Variants in MAGI2 observed in about 807,000 individuals in gnomAD.
The protein encoded by MAGI2 is membrane associated guanylate kinase, WW and PDZ domain containing 2.
A neutral mutation model predicts 133.3 loss-of-function variants in MAGI2; 35 were observed. The ratio of observed to expected loss-of-function variants is 0.26; its 90% CI spans 0.20 to 0.35. The LOEUF is 0.35. Among genes scored for constraint, MAGI2 ranks in the 10% least tolerant of loss-of-function variants. The pLI, the probability that MAGI2 is intolerant of heterozygous loss-of-function variation, is 1.00. For synonymous variants in MAGI2, 729 were observed against 710.6 expected (o/e 1.03, Z -0.41); for missense variants, 1,636 against 1,863.4 (o/e 0.88, Z 2.25).
chr7:79,199,935 A>T (rs1330211504), intron 1 of MAGI2, among the ~76,000 whole-genome samples: 1 of 151,958 alleles, frequency 6.6e-6, no homozygotes, highest in Non-Finnish European at 1.5e-5. Flanking sequence ...TTTTCTCCAC[A>T]ATGATGGAAA....
chr7:78,760,369 T>C lies in MAGI2; in HGVS notation c.419-133130A>G, dbSNP rs1194245798. Reference sequence around the variant, plus strand: ...CTGGACTTTAATTCTCTCTTTTTTTTTTTTTTTTTTGAGATGAAGTTTTGC... The same window carrying C: ...CTGGACTTTAATTCTCTCTTTTTTTCTTTTTTTTTTGAGATGAAGTTTTGC... On this transcript the variant is annotated intron_variant, in intron 2 of 21. Transcript: ENST00000354212. Among the ~76,000 whole-genome samples the C allele has an allele frequency of 2.7e-5, 4 of 147,850 alleles. No individual in the cohort carries two copies. In the East Asian group the frequency reaches 7.9e-4, roughly 29 times the overall value.
chr7:79,168,402 T>C (rs1825156824), intron 1 of MAGI2, among the ~76,000 whole-genome samples: 1 of 152,112 alleles, frequency 6.6e-6, no homozygotes, highest in Non-Finnish European at 1.5e-5. Flanking sequence ...CAAATGTTAG[T>C]ACTTCAGCTT....
rs939239520 is a variant in MAGI2 at position 78,371,356 on chromosome 7, C to T, written c.1046-2143G>A. Among the ~76,000 whole-genome samples, 55 of 151,686 alleles carry T rather than the reference C, an allele frequency of 3.6e-4. 1 individual carries two copies. Among genetic ancestry groups the T allele is most frequent in the Non-Finnish European group, 2.7e-4 (18 of 67,792 alleles). ...TTATTATTAATTTATTAATATGGTT[C>T]GATACATGGATATGTATTTATAACA... On this transcript the variant is annotated intron_variant, in intron 6 of 21. Transcript: ENST00000354212.
intron 1 of MAGI2, among the ~76,000 whole-genome samples, chr7:79,138,453 A>T (rs988827282): frequency 6.6e-6 from 1 of 152,230 alleles, no homozygotes; most frequent in African/African-American, 2.4e-5. Context: ...CATAAAATTT[A>T]TCATGTATGA....
At chr7:78,536,786 A>G (rs1797984848) in intron 3 of MAGI2, among the ~76,000 whole-genome samples, 1 of 131,272 alleles carries the variant, frequency 7.6e-6, no homozygotes, top group African/African-American at 2.9e-5. Context: ...CTGGAGACAG[A>G]GTCTTGCTCT....
At chr7:78,737,248 G>A (rs1277011556) in intron 2 of MAGI2, among the ~76,000 whole-genome samples, 4 of 152,090 alleles carry the variant, frequency 2.6e-5, no homozygotes, top group African/African-American at 7.2e-5. Context: ...AATTAAAGAG[G>A]TAACTGTTAT....
At chr7:79,425,738 G>C (rs901824057) in intron 1 of MAGI2, among the ~76,000 whole-genome samples, 4 of 151,546 alleles carry the variant, frequency 2.6e-5, no homozygotes, top group Non-Finnish European at 5.9e-5. Flanking sequence ...GCTTAACATC[G>C]TGTTTACGAG....
chr7:79,088,135 T>A (rs527690816), intron 1 of MAGI2, among the ~76,000 whole-genome samples: 4 of 152,090 alleles, frequency 2.6e-5, no homozygotes, highest in Admixed American at 6.6e-5. Context: ...GCATGGAATG[T>A]TTTTCCATTT....
At chr7:78,314,623 C>T (rs1006008120) in intron 9 of MAGI2, among the ~76,000 whole-genome samples, 1 of 152,206 alleles carries the variant, frequency 6.6e-6, no homozygotes, top group South Asian at 2.1e-4. Context: ...GCACACATGG[C>T]CCCTGGGGCC....
rs758578348 is a variant in MAGI2, at chr7:78,132,865, C to G, written c.3203+24G>C. On this transcript the variant is annotated intron_variant, in intron 18 of 21. Transcript: ENST00000354212. ...TCCCCACCCTATCACCTCTCAGAAT[C>G]ACAAAAGTCAGAGGAAATTTTACCT... 3 of 1,614,140 alleles carry G rather than the reference C, an allele frequency of 1.9e-6. No individual in the cohort carries two copies. In the South Asian group the frequency reaches 3.3e-5, roughly 18 times the overall value.
intron 21 of MAGI2, among the ~76,000 whole-genome samples, chr7:78,031,040 G>A (rs1320779766): frequency 6.6e-6 from 1 of 152,192 alleles, no homozygotes; most frequent in African/African-American, 2.4e-5. Context: ...CTATGAGATG[G>A]AACAAGCGAC....
At chr7:79,042,329 T>C (rs760929864) in intron 1 of MAGI2, among the ~76,000 whole-genome samples, 1 of 152,202 alleles carries the variant, frequency 6.6e-6, no homozygotes. Flanking sequence ...GTCTGTTTCG[T>C]CTGAAGTTAC....
chr7:78,061,157 G>A (rs1464026675), intron 21 of MAGI2, among the ~76,000 whole-genome samples: 3 of 122,450 alleles, frequency 2.4e-5, no homozygotes, highest in African/African-American at 3.4e-5. Flanking sequence ...GAGCAAGACT[G>A]TCTCAAAAAA....
intron 6 of MAGI2, among the ~76,000 whole-genome samples, chr7:78,398,683 A>G (rs1796581344): frequency 6.7e-6 from 1 of 149,642 alleles, no homozygotes; most frequent in Non-Finnish European, 1.5e-5. Flanking sequence ...TAGGGCCCCA[A>G]CTCTCAGTCT....
intron 2 of MAGI2, among the ~76,000 whole-genome samples, chr7:78,700,276 GT>G (rs1353360572): frequency 6.6e-6 from 1 of 152,110 alleles, no homozygotes; most frequent in Non-Finnish European, 1.5e-5. Context: ...TCTCCAATCT[GT>G]GTTTGCCCAT....
At chr7:78,156,120 T>C (rs3779291) in intron 16 of MAGI2, among the ~76,000 whole-genome samples, 16,268 of 152,236 alleles carry the variant, frequency 0.11, 1,181 homozygotes, top group Middle Eastern at 0.16. Context: ...ATTACTTTTA[T>C]AGCTTATTGG....
At chr7:78,083,910 A>C (rs1336056717) in intron 20 of MAGI2, among the ~76,000 whole-genome samples, 1 of 152,234 alleles carries the variant, frequency 6.6e-6, no homozygotes, top group Non-Finnish European at 1.5e-5. Context: ...TACTGTATGC[A>C]TTTTTGTAGC....
chr7:79,136,084 A>AGAAAGAAAGAAAGAAAGAAG (rs1562929295), intron 1 of MAGI2, among the ~76,000 whole-genome samples: 43 of 141,064 alleles, frequency 3.0e-4, no homozygotes, highest in African/African-American at 1.2e-3. Flanking sequence ...AAAGAAAGAA[A>AGAAAGAAAGAAAGAAAGAAG]GAAAGAAAGA....
intron 1 of MAGI2, among the ~76,000 whole-genome samples, chr7:79,076,982 C>A (rs1222429645): frequency 2.0e-5 from 3 of 152,066 alleles, no homozygotes; most frequent in African/African-American, 7.2e-5. Flanking sequence ...TTCTCAGATT[C>A]TTTACTTTTC....
Sources: allele counts gnomAD v4.1 joint callset (sites outside exome capture counted in the v4.1 genomes callset), GRCh38; gene constraint gnomAD v4.1.1; transcripts MANE v1.5; gene names NCBI Gene and HGNC (gene_info 2026-07-23, HGNC 2026-07-21).